Variants in GRID1 observed in about 807,000 individuals in gnomAD.
The protein encoded by GRID1 is glutamate receptor ionotropic, delta-1.
A neutral mutation model predicts 98.0 loss-of-function variants in GRID1; 28 were observed. The observed-to-expected ratio is 0.29, with a 90% CI of 0.21 to 0.39. GRID1 has a LOEUF of 0.39. Among genes scored for constraint, GRID1 ranks in the 10% least tolerant of loss-of-function variants. The pLI, the probability that GRID1 is intolerant of heterozygous loss-of-function variation, is 1.00. For synonymous variants in GRID1, 553 were observed against 538.5 expected (o/e 1.03, Z -0.37); for missense variants, 1,111 against 1,340.5 (o/e 0.83, Z 2.67).
chr10:85,931,054 G>C (rs931532400), intron 4 of GRID1, among the ~76,000 whole-genome samples: 2 of 152,044 alleles, frequency 1.3e-5, no homozygotes, highest in Admixed American at 1.3e-4. Context: ...TGCCCAGGCT[G>C]GTCTCAAACT....
chr10:85,731,406 A>T (rs1841820054), intron 8 of GRID1, among the ~76,000 whole-genome samples: 1 of 152,008 alleles, frequency 6.6e-6, no homozygotes, highest in South Asian at 2.1e-4. Context: ...ATCTACCCAA[A>T]ATTCTGCTTA....
Position 86,227,425 on chromosome 10 carries a change from C to A in GRID1, c.236-20777G>T, listed in dbSNP as rs374539398. On this transcript the variant is annotated intron_variant, in intron 2 of 15. Coordinates refer to ENST00000327946, the MANE Select transcript of GRID1 (RefSeq NM_017551.3). ...CCAAGGCAGGAGCTCCTGGTCTTTTCATTTTCCTGCCTCCAGCCTTGCCTC... is the reference window on the plus strand; with the variant it reads ...CCAAGGCAGGAGCTCCTGGTCTTTTAATTTTCCTGCCTCCAGCCTTGCCTC... 2.4e-3 allele frequency among the ~76,000 whole-genome samples: 363 copies of A among 152,286 alleles called. 1 individual carries two copies. The highest frequency in any genetic ancestry group is 8.1e-3 in the African/African-American group (338 of 41,556).
rs191535703 is a variant in GRID1, at chr10:85,726,962, C to T, written c.1533+893G>A. Among the ~76,000 whole-genome samples the T allele has an allele frequency of 2.5e-3, 375 of 152,210 alleles. 2 individuals carry two copies. The highest frequency in any genetic ancestry group is 7.6e-3 in the African/African-American group (315 of 41,550). ...GTTTCTGAAAAAGATTAATAGAAAT[C>T]GGACGAATGACAAGCCTAGTGTCTG... is the stretch of plus-strand genomic sequence containing the variant. On this transcript the variant is annotated intron_variant, in intron 10 of 15. Transcript: ENST00000327946.
chr10:85,968,633 C>T (rs935076052), intron 4 of GRID1, among the ~76,000 whole-genome samples: 6 of 152,048 alleles, frequency 3.9e-5, no homozygotes, highest in African/African-American at 9.6e-5. Context: ...TAATCTGTTC[C>T]AGTTTGTTTT....
chr10:86,000,507 T>C (rs1842791080), intron 4 of GRID1, among the ~76,000 whole-genome samples: 1 of 152,220 alleles, frequency 6.6e-6, no homozygotes. Flanking sequence ...GAAATCACTC[T>C]AATCAATTTT....
intron 2 of GRID1, among the ~76,000 whole-genome samples, chr10:86,278,021 T>G (rs543243791): frequency 6.9e-6 from 1 of 144,704 alleles, no homozygotes; most frequent in East Asian, 1.9e-4. Flanking sequence ...AATGTAAATG[T>G]GTTAAACTAT....
chr10:86,013,287 AC>A (rs1842942037), intron 4 of GRID1, among the ~76,000 whole-genome samples: 1 of 152,256 alleles, frequency 6.6e-6, no homozygotes, highest in African/African-American at 2.4e-5. Context: ...CAACAAAAAA[AC>A]ATGACTACAT....
At chr10:85,809,306 T>A (rs1312117776) in intron 8 of GRID1, among the ~76,000 whole-genome samples, 2 of 152,124 alleles carry the variant, frequency 1.3e-5, no homozygotes, top group African/African-American at 4.8e-5. Context: ...GTATCACAAC[T>A]TAAATTATTA....
At chr10:86,108,239 C>T (rs1844423334) in intron 4 of GRID1, among the ~76,000 whole-genome samples, 1 of 152,190 alleles carries the variant, frequency 6.6e-6, no homozygotes, top group East Asian at 1.9e-4. Context: ...CCATCGCACA[C>T]CCTGCGAGGG....
At chr10:86,145,256 C>T (rs1845070469) in intron 3 of GRID1, among the ~76,000 whole-genome samples, 1 of 152,100 alleles carries the variant, frequency 6.6e-6, no homozygotes, top group Admixed American at 6.5e-5. Flanking sequence ...GAGTCTCGCT[C>T]TTGTTGCCCA....
chr10:86,165,905 G>A (rs1200322503), intron 3 of GRID1, among the ~76,000 whole-genome samples: 1 of 152,168 alleles, frequency 6.6e-6, no homozygotes, highest in African/African-American at 2.4e-5. Flanking sequence ...GAAATCCTGT[G>A]CAGAGCAACG....
chr10:85,667,756 G>A (rs1841039212), intron 12 of GRID1, among the ~76,000 whole-genome samples: 2 of 151,486 alleles, frequency 1.3e-5, no homozygotes, highest in Admixed American at 1.3e-4. Context: ...AACTTTGTGA[G>A]TGAATGAGTG....
At chr10:86,132,213 G>A (rs114336551) in intron 4 of GRID1, among the ~76,000 whole-genome samples, 1,634 of 152,180 alleles carry the variant, frequency 0.011, 28 homozygotes, top group African/African-American at 0.037. Context: ...TTGGAAAGAT[G>A]AGCAGGATGG....
intron 12 of GRID1, among the ~76,000 whole-genome samples, chr10:85,705,945 A>G (rs903132568): frequency 5.8e-4 from 89 of 152,376 alleles, no homozygotes; most frequent in African/African-American, 2.1e-3. Flanking sequence ...TAAATTAGGT[A>G]TTGATGGGAC....
intron 2 of GRID1, among the ~76,000 whole-genome samples, chr10:86,215,311 C>G (rs1481661941): frequency 6.6e-6 from 1 of 152,186 alleles, no homozygotes; most frequent in East Asian, 1.9e-4. Flanking sequence ...TCAGGATGCA[C>G]GAAGCAGACC....
chr10:86,178,060 T>C (rs1407529846), intron 3 of GRID1, among the ~76,000 whole-genome samples: 3 of 152,046 alleles, frequency 2.0e-5, no homozygotes, highest in African/African-American at 7.2e-5. Context: ...GACTCTGGCT[T>C]CCTGTAAACC....
At chr10:85,919,353 C>T (rs1163641256) in intron 4 of GRID1, among the ~76,000 whole-genome samples, 1 of 152,230 alleles carries the variant, frequency 6.6e-6, no homozygotes, top group Non-Finnish European at 1.5e-5. Context: ...ACCAATTAAG[C>T]ATCAGCTAAT....
chr10:86,306,270 C>T (rs986033867), intron 2 of GRID1, among the ~76,000 whole-genome samples: 6 of 152,224 alleles, frequency 3.9e-5, no homozygotes, highest in African/African-American at 7.2e-5. Context: ...CAGTTGGTCC[C>T]CTGCTACAGC....
At chr10:85,613,792 C>A in intron 14 of GRID1, 145 bp from the exon 15 acceptor site, 2 of 969,128 alleles carry the variant, frequency 2.1e-6, no homozygotes, top group Non-Finnish European at 3.1e-6. Context: ...CTTCTCTTCC[C>A]AGTCTACTCT....
Sources: allele counts gnomAD v4.1 joint callset (sites outside exome capture counted in the v4.1 genomes callset), GRCh38; gene constraint gnomAD v4.1.1; transcripts MANE v1.5; gene names NCBI Gene and HGNC (gene_info 2026-07-23, HGNC 2026-07-21).